The following DUS2 variants were observed in gnomAD, a reference collection of about 807,000 sequenced individuals.
The protein encoded by DUS2 is tRNA-dihydrouridine(20) synthase [NAD(P)+]-like.
Under a neutral mutation model 71.3 loss-of-function variants are expected in DUS2, and 52 were observed. The observed-to-expected ratio is 0.73, with a 90% confidence interval of 0.58 to 0.92. The LOEUF is 0.92. DUS2 is among the 40% of genes least tolerant of loss of function. DUS2 has a pLI of 0.00. For synonymous variants in DUS2, 204 were observed against 227.8 expected (o/e 0.90, Z 0.94); for missense variants, 558 against 622.6 (o/e 0.90, Z 1.10).
intron 7 of DUS2, among the ~76,000 whole-genome samples, chr16:68,057,247 TAG>T (rs1019191879): frequency 7.1e-6 from 1 of 141,428 alleles, no homozygotes; most frequent in Admixed American, 7.4e-5. Context: ...TATATATATA[TAG>T]AGAGAGAGAG....
At chr16:68,053,687 A>T in intron 5 of DUS2, 32 bp downstream of exon 5, 12 of 1,610,258 alleles carry the variant, frequency 7.5e-6, no homozygotes, top group Non-Finnish European at 1.0e-5. Context: ...TGCCCTCCTG[A>T]GGCTCACCAT....
At chr16:68,031,314 G>A (rs184467661) in intron 2 of DUS2, among the ~76,000 whole-genome samples, 6 of 152,100 alleles carry the variant, frequency 3.9e-5, no homozygotes, top group East Asian at 1.9e-4. Flanking sequence ...ACAGGCATGC[G>A]CCGCCACACC....
intron 3 of DUS2, among the ~76,000 whole-genome samples, chr16:68,042,459 C>T (rs933862797): frequency 2.0e-5 from 3 of 152,104 alleles, no homozygotes; most frequent in African/African-American, 7.2e-5. Context: ...ACCATAATAG[C>T]TGCATCATTT....
chr16:68,023,669 C>A, intron 1 of DUS2: 1 of 172,434 alleles, frequency 5.8e-6, no homozygotes, highest in South Asian at 1.7e-4. Flanking sequence ...GCCTAGGGGC[C>A]GAGACAGGGG....
In DUS2 at chr16:68,075,524, T is replaced by C. The variant is rs1052505370; in HGVS notation, c.1082+20T>C. The C allele has an allele frequency of 6.2e-7, 1 of 1,605,134 alleles. No homozygotes were observed. Among genetic ancestry groups the C allele is most frequent in the African/African-American group, 1.3e-5 (1 of 74,782 alleles). On this transcript the variant is annotated intron_variant, in intron 14 of 16. Coordinates refer to ENST00000565263, the MANE Select transcript of DUS2 (RefSeq NM_017803.5). Reference sequence around the variant, plus strand: ...TGACCGGTAGGTCTCCAGCTTGGCCTCAGCTTGGGCTAGGGCCAGCACCCT... The same window carrying C: ...TGACCGGTAGGTCTCCAGCTTGGCCCCAGCTTGGGCTAGGGCCAGCACCCT...
Position 68,071,081 on chromosome 16 carries a change from G to A in DUS2, c.783G>A (p.Glu261=), listed in dbSNP as rs1235161070. 16 of 1,614,118 alleles carry A rather than the reference G, an allele frequency of 9.9e-6. No homozygotes were observed. Among genetic ancestry groups the A allele is most frequent in the Non-Finnish European group, 1.3e-5 (15 of 1,180,044 alleles). ...IFLKEGLRPL[E]EVMQKYIRYA... ...TCAAGGAGGGTCTGCGGCCCCTGGAGGAGGTCATGCAGAAATACATCAGAT... is the reference window on the plus strand; with the variant it reads ...TCAAGGAGGGTCTGCGGCCCCTGGAAGAGGTCATGCAGAAATACATCAGAT... The change falls in exon 12 of 17, where the codon GAG becomes GAA. Residue 261 remains glutamate, a synonymous_variant. Transcript: ENST00000565263.
chr16:68,029,612 A>G (rs1057224973), intron 2 of DUS2, among the ~76,000 whole-genome samples: 2 of 151,674 alleles, frequency 1.3e-5, no homozygotes, highest in African/African-American at 4.8e-5. Flanking sequence ...ATACCCGGCT[A>G]ATTTTTGTAT....
chr16:68,068,580 CTCTCTT>C (rs1265772824), intron 10 of DUS2, among the ~76,000 whole-genome samples: 47 of 135,056 alleles, frequency 3.5e-4, no homozygotes, highest in Admixed American at 6.7e-4. Context: ...TATTCTTTCT[CTCTCTT>C]TTTTTTTTTT....
chr16:68,028,969 C>T (rs1598298230), intron 2 of DUS2, among the ~76,000 whole-genome samples: 1 of 152,006 alleles, frequency 6.6e-6, no homozygotes, highest in African/African-American at 2.4e-5. Context: ...GAAGGTTAGG[C>T]AGGAGGATCG....
rs149692151 is a variant in DUS2 at position 68,033,133 on chromosome 16, C to T, written c.-18-4873C>T. Reference sequence around the variant, plus strand: ...TATCAGAGTTGCCTTTTTAGGATCCCATGCTGGCAGAATGGATAGGAAGGG... The same window carrying T: ...TATCAGAGTTGCCTTTTTAGGATCCTATGCTGGCAGAATGGATAGGAAGGG... On this transcript the variant is annotated intron_variant, in intron 2 of 16. Coordinates refer to ENST00000565263, the MANE Select transcript of DUS2 (RefSeq NM_017803.5). Among the ~76,000 whole-genome samples the T allele has an allele frequency of 6.4e-3, 971 of 152,128 alleles. 12 individuals are homozygous for T. Among genetic ancestry groups the T allele is most frequent in the African/African-American group, 0.022 (916 of 41,508 alleles).
Position 68,075,131 on chromosome 16 carries a change from C to G in DUS2, c.933-224C>G, listed in dbSNP as rs544184340. Reference sequence around the variant, plus strand: ...CCTTTACAACCTTTGCCACCCAGCCCAGCCTCCCTCCAGTGTCCACGCTTG... The same window carrying G: ...CCTTTACAACCTTTGCCACCCAGCCGAGCCTCCCTCCAGTGTCCACGCTTG... On this transcript the variant is annotated intron_variant, in intron 13 of 16. Coordinates refer to ENST00000565263, the MANE Select transcript of DUS2 (RefSeq NM_017803.5). Among the ~76,000 whole-genome samples the G allele has an allele frequency of 5.9e-5, 9 of 152,320 alleles. No individual in the cohort carries two copies. The South Asian group carries it at 1.9e-3, about 32-fold the overall frequency.
At position 68,061,175 on chromosome 16, in the gene DUS2, G is replaced by T; in HGVS notation, c.417+62G>T. ...CACAGCTCCAAACTAGAATTGTCTA[G>T]AACGCCTCCTTCCACCAATACCAGA... On this transcript the variant is annotated intron_variant, in intron 8 of 16. Coordinates refer to ENST00000565263, the MANE Select transcript of DUS2 (RefSeq NM_017803.5). 3.3e-6 allele frequency: 5 copies of T among 1,533,936 alleles called. No individual in the cohort carries two copies. In the South Asian group the frequency reaches 5.6e-5, roughly 17 times the overall value.
intron 3 of DUS2, among the ~76,000 whole-genome samples, chr16:68,044,957 T>C (rs2033680252): frequency 6.6e-6 from 1 of 151,798 alleles, no homozygotes; most frequent in South Asian, 2.1e-4. Context: ...CATGCCTGGA[T>C]AATTTTTGTA....
At chr16:68,056,784 A>G (rs1330982870) in intron 7 of DUS2, among the ~76,000 whole-genome samples, 1 of 146,928 alleles carries the variant, frequency 6.8e-6, no homozygotes, top group East Asian at 1.9e-4. Flanking sequence ...ACATACATAT[A>G]TAGATTCATA....
intron 4 of DUS2, among the ~76,000 whole-genome samples, chr16:68,052,799 C>T (rs1048981545): frequency 1.3e-5 from 2 of 151,636 alleles, no homozygotes; most frequent in South Asian, 2.1e-4. Context: ...CCCTCCACCA[C>T]GCCCAGCTAA....
rs778322363 is a variant in DUS2, at chr16:68,075,454, G to A, written c.1032G>A (p.Glu344=). The change falls in exon 14 of 17, where the codon GAG becomes GAA. Residue 344 remains glutamate (E), a synonymous_variant. Coordinates refer to ENST00000565263, the MANE Select transcript of DUS2 (RefSeq NM_017803.5). The part of the protein sequence containing the change: ...LSAKTSEQTG[E]PAEDTSGVIK... ...CCAAGACTTCAGAGCAGACAGGGGAGCCAGCTGAAGATACCTCTGGTGTCA... is the reference window on the plus strand; with the variant it reads ...CCAAGACTTCAGAGCAGACAGGGGAACCAGCTGAAGATACCTCTGGTGTCA... 55 of 1,613,834 alleles carry A rather than the reference G, an allele frequency of 3.4e-5. No homozygotes were observed. The highest frequency in any genetic ancestry group is 4.3e-5 in the Non-Finnish European group (51 of 1,179,900).
At chr16:68,028,460 C>T (rs965186531) in intron 2 of DUS2, among the ~76,000 whole-genome samples, 5 of 151,900 alleles carry the variant, frequency 3.3e-5, no homozygotes, top group Non-Finnish European at 5.9e-5. Context: ...ATGGTGAAAC[C>T]CCATCCCTAC....
At chr16:68,047,593 C>T (rs2033723287) in intron 3 of DUS2, among the ~76,000 whole-genome samples, 1 of 151,960 alleles carries the variant, frequency 6.6e-6, no homozygotes, top group African/African-American at 2.4e-5. Context: ...AAGCAATTCT[C>T]CTGCCTCAGC....
intron 7 of DUS2, among the ~76,000 whole-genome samples, chr16:68,059,224 A>G (rs2033904521): frequency 1.3e-5 from 2 of 149,820 alleles, no homozygotes; most frequent in South Asian, 4.2e-4. Flanking sequence ...GAAACAAAAG[A>G]AAAAAAAAAG....
Sources: gnomAD v4.1 joint callset for allele counts (sites outside exome capture counted in the v4.1 genomes callset) on GRCh38, gnomAD v4.1.1 for gene constraint, MANE v1.5 for transcripts, NCBI Gene and HGNC (gene_info 2026-07-23, HGNC 2026-07-21) for gene names.